ERC2: variants seen among roughly 807,000 people sequenced by gnomAD.
The protein encoded by ERC2 is ERC protein 2.
Under a neutral mutation model 114.8 loss-of-function variants are expected in ERC2, and 42 were observed. The observed-to-expected ratio is 0.37, with a 90% confidence interval of 0.29 to 0.47. The LOEUF is 0.47. Ranked by LOEUF, ERC2 falls within the 20% of genes least tolerant of loss-of-function variation. The pLI is 0.99. For synonymous variants in ERC2, 454 were observed against 425.5 expected (o/e 1.07, Z -0.82); for missense variants, 939 against 1,150.7 (o/e 0.82, Z 2.66).
chr3:55,889,678 G>C (rs1346829153), intron 13 of ERC2, among the ~76,000 whole-genome samples: 1 of 152,156 alleles, frequency 6.6e-6, no homozygotes, highest in East Asian at 1.9e-4. Flanking sequence ...TGTCCTCCCT[G>C]CTGATCCAAA....
At chr3:56,410,133 C>A (rs1447109389) in intron 2 of ERC2, among the ~76,000 whole-genome samples, 1 of 152,068 alleles carries the variant, frequency 6.6e-6, no homozygotes, top group Admixed American at 6.5e-5. Context: ...AGTATTAGTG[C>A]CAGTAATTAA....
At chr3:56,120,252 C>A (rs551967162) in intron 6 of ERC2, among the ~76,000 whole-genome samples, 1 of 152,136 alleles carries the variant, frequency 6.6e-6, no homozygotes, top group Non-Finnish European at 1.5e-5. Context: ...TTCGATTGGG[C>A]GCCGGCTCTC....
At chr3:55,905,514 T>A (rs1470429797) in intron 13 of ERC2, among the ~76,000 whole-genome samples, 1 of 145,234 alleles carries the variant, frequency 6.9e-6, no homozygotes, top group Non-Finnish European at 1.5e-5. Context: ...CACTTAACAG[T>A]AACTCCGAGG....
At chr3:55,697,788 G>T (rs2063012387) in intron 16 of ERC2, among the ~76,000 whole-genome samples, 1 of 152,008 alleles carries the variant, frequency 6.6e-6, no homozygotes, top group Non-Finnish European at 1.5e-5. Context: ...GGGGAACTCA[G>T]GATGGTCTTC....
chr3:55,655,081 A>G (rs566763901), intron 17 of ERC2, among the ~76,000 whole-genome samples: 1 of 150,448 alleles, frequency 6.6e-6, no homozygotes, highest in South Asian at 2.1e-4. Context: ...GATGACCGTC[A>G]GGAATGAAGA....
intron 2 of ERC2, among the ~76,000 whole-genome samples, chr3:56,302,437 T>C (rs2055944310): frequency 1.3e-5 from 2 of 152,200 alleles, no homozygotes; most frequent in African/African-American, 2.4e-5. Flanking sequence ...TTAAGACTTC[T>C]TTTCTAAGTA....
At chr3:55,588,184 T>G (rs1379982747) in intron 17 of ERC2, among the ~76,000 whole-genome samples, 1 of 152,108 alleles carries the variant, frequency 6.6e-6, no homozygotes, top group Non-Finnish European at 1.5e-5. Context: ...AGAAACCAGC[T>G]GAAGGCTCCC....
chr3:55,586,082 A>G lies in ERC2; in HGVS notation c.*40-74806T>C, dbSNP rs543330567. Among the ~76,000 whole-genome samples the G allele has an allele frequency of 2.0e-4, 31 of 152,310 alleles. No individual in the cohort carries two copies. The East Asian group carries it at 5.2e-3, about 26-fold the overall frequency. The stretch of plus-strand genomic sequence containing the variant: ...AGCCCCGGGGGCTTCCTCCTGGTTC[A>G]CACAGAGGCCCCCATAGGCCTGACT... On this transcript the variant is annotated intron_variant, in intron 17 of 17. Coordinates refer to ENST00000288221, the MANE Select transcript of ERC2 (RefSeq NM_015576.3).
At chr3:55,844,024 C>T (rs1279503869) in intron 14 of ERC2, among the ~76,000 whole-genome samples, 2 of 152,126 alleles carry the variant, frequency 1.3e-5, no homozygotes, top group Non-Finnish European at 2.9e-5. Flanking sequence ...ATAATGGAAA[C>T]CATGCCAAAG....
intron 13 of ERC2, among the ~76,000 whole-genome samples, chr3:55,927,725 A>T (rs1313952885): frequency 6.6e-6 from 1 of 152,036 alleles, no homozygotes; most frequent in Non-Finnish European, 1.5e-5. Context: ...TGTACCAGTT[A>T]ACCATCCCCA....
rs1343969092 is a variant in ERC2 at position 55,884,395 on chromosome 3, GTC to G, written c.2564+3992_2564+3993del. Among the ~76,000 whole-genome samples, 5 of 152,192 alleles carry G rather than the reference GTC, an allele frequency of 3.3e-5. 1 individual carries two copies. The South Asian group carries it at 1.0e-3, about 32-fold the overall frequency. On this transcript the variant is annotated intron_variant, in intron 14 of 17. Coordinates refer to ENST00000288221, the MANE Select transcript of ERC2 (RefSeq NM_015576.3). ...AGATATACACCAAAATGCCATCAGT[GTC>G]TCTCTCTCCATGTTAGGATCATGAA...
At chr3:55,538,594 T>G (rs2107322000) in intron 17 of ERC2, among the ~76,000 whole-genome samples, 1 of 152,332 alleles carries the variant, frequency 6.6e-6, no homozygotes, top group Middle Eastern at 3.4e-3. Context: ...TAACGAACGC[T>G]TTTGGAAACC....
At chr3:56,466,173 GATAGTA>G (rs1397064262) in intron 1 of ERC2, among the ~76,000 whole-genome samples, 3 of 152,202 alleles carry the variant, frequency 2.0e-5, no homozygotes, top group Non-Finnish European at 4.4e-5. Flanking sequence ...CAATGATGAT[GATAGTA>G]ATAGTAATAA....
chr3:55,615,815 G>A (rs564729266), intron 17 of ERC2, among the ~76,000 whole-genome samples: 7 of 152,148 alleles, frequency 4.6e-5, no homozygotes, highest in African/African-American at 1.7e-4. Flanking sequence ...AGTGGCATGC[G>A]AGCAGGAACT....
chr3:55,842,637 C>T (rs756363928), intron 14 of ERC2, among the ~76,000 whole-genome samples: 2 of 151,202 alleles, frequency 1.3e-5, no homozygotes, highest in African/African-American at 4.9e-5. Context: ...TTTAGCTCAA[C>T]TTTATCAAGG....
At position 56,190,499 on chromosome 3, in the gene ERC2, T is replaced by C. The variant is rs571628806; in HGVS notation, c.1075-16979A>G. On this transcript the variant is annotated intron_variant, in intron 3 of 17. Coordinates refer to ENST00000288221, the MANE Select transcript of ERC2 (RefSeq NM_015576.3). ...CCCAGGCTAGAGTACAGTGGTGCAA[T>C]CATAGCTCACTGCAGCCTCAACCTC... is the stretch of plus-strand genomic sequence containing the variant. Among the ~76,000 whole-genome samples the C allele has an allele frequency of 2.0e-5, 3 of 152,274 alleles. No homozygotes were observed. The South Asian group carries it at 6.2e-4, about 32-fold the overall frequency.
intron 17 of ERC2, among the ~76,000 whole-genome samples, chr3:55,591,266 T>A (rs1350868245): frequency 6.6e-6 from 1 of 151,992 alleles, no homozygotes; most frequent in Non-Finnish European, 1.5e-5. Context: ...GTTTTTCTCA[T>A]TTTTGTCTTT....
chr3:55,996,733 G>A (rs1220498502), intron 10 of ERC2, among the ~76,000 whole-genome samples: 1 of 152,186 alleles, frequency 6.6e-6, no homozygotes, highest in African/African-American at 2.4e-5. Context: ...GACTTTGAAA[G>A]CCTAGATCAG....
chr3:56,007,308 T>G lies in ERC2; in HGVS notation c.1934A>C (p.Asp645Ala), dbSNP rs1459825045. Reference protein sequence around the residue: ...ELTEKESSLIDLKEHASSLAS... With the variant: ...ELTEKESSLIALKEHASSLAS... ...TAATGAAGATGCATGTTCTTTGAGG[T>G]CAATTAAACTAGACTGAAAGAGAAA... Residue 645 changes from aspartate to alanine, a missense_variant, in exon 10 of 18, where the codon GAC (aspartate) becomes GCC (alanine). By Grantham distance (126) the Asp-to-Ala change is moderately radical. This residue lies in a region of ERC2 where 149 missense variants were observed against 254.6 expected (regional missense o/e 0.59). Coordinates refer to ENST00000288221, the MANE Select transcript of ERC2 (RefSeq NM_015576.3). 5.0e-6 allele frequency: 8 copies of G among 1,597,548 alleles called. No homozygotes were observed. Among genetic ancestry groups the G allele is most frequent in the Non-Finnish European group, 6.8e-6 (8 of 1,171,768 alleles).
Sources: gnomAD v4.1 joint callset for allele counts (sites outside exome capture counted in the v4.1 genomes callset) on GRCh38, gnomAD v4.1.1 for gene constraint, gnomAD v4.1.1 regional missense constraint, MANE v1.5 for transcripts, NCBI Gene and HGNC (gene_info 2026-07-23, HGNC 2026-07-21) for gene names.